RALGPS1: variants seen among roughly 807,000 people sequenced by gnomAD.
The protein encoded by RALGPS1 is ras-specific guanine nucleotide-releasing factor RalGPS1.
In RALGPS1, 19 loss-of-function variants were observed where a neutral mutation model predicts 78.8. The observed-to-expected ratio is 0.24, with a 90% CI of 0.17 to 0.35. RALGPS1 has a LOEUF of 0.35. RALGPS1 is among the 10% of genes least tolerant of loss of function. The probability of loss-of-function intolerance (pLI) is 1.00; values close to 1 mark genes in which losing one functional copy is unlikely to be tolerated. For synonymous variants in RALGPS1, 228 were observed against 256.3 expected, an observed-to-expected ratio of 0.89 and a Z score of 1.06; for missense variants, 454 against 688.3, an observed-to-expected ratio of 0.66 and a Z score of 3.81.
chr9:127,145,814 T>G (rs555283427), intron 8 of RALGPS1, among the ~76,000 whole-genome samples: 9 of 152,346 alleles, frequency 5.9e-5, no homozygotes, highest in Admixed American at 2.0e-4. Flanking sequence ...GAGACAAGCT[T>G]CCCAACCTCT....
intron 3 of RALGPS1, among the ~76,000 whole-genome samples, chr9:126,971,145 G>T (rs1325247749): frequency 6.6e-6 from 1 of 152,082 alleles, no homozygotes; most frequent in Non-Finnish European, 1.5e-5. Flanking sequence ...TTGGGAAAAA[G>T]TGACAAATAT....
chr9:127,175,743 T>C (rs1157505440), intron 11 of RALGPS1, among the ~76,000 whole-genome samples: 2 of 150,198 alleles, frequency 1.3e-5, no homozygotes, highest in African/African-American at 2.5e-5. Flanking sequence ...CCCAGGAACG[T>C]TGGAATGTCA....
At chr9:127,137,637 C>T (rs563671564) in intron 8 of RALGPS1, among the ~76,000 whole-genome samples, 68 of 152,360 alleles carry the variant, frequency 4.5e-4, no homozygotes, top group Non-Finnish European at 7.1e-4. Flanking sequence ...GAGTTTCTAT[C>T]ACTGGAAACC....
rs1221194399 is a variant in RALGPS1 at position 127,183,697 on chromosome 9, G to A, written c.910+8915G>A. On this transcript the variant is annotated intron_variant, in intron 11 of 18. Coordinates refer to ENST00000259351, the MANE Select transcript of RALGPS1 (RefSeq NM_014636.3). This position sits in a 1 kb window ranked among gnomAD's most constrained non-coding sequence, Gnocchi z 4.0. ...GAGTAGAAAAAGAGAACAGCCAGGG[G>A]CAAGCTGTAGGCCCTCTCTCCATGT... is the stretch of plus-strand genomic sequence containing the variant. 1.3e-5 allele frequency among the ~76,000 whole-genome samples: 2 copies of A among 152,108 alleles called. No individual in the cohort carries two copies. The highest frequency in any genetic ancestry group is 2.4e-5 in the African/African-American group (1 of 41,506).
chr9:127,150,086 A>G (rs1374450472), intron 8 of RALGPS1, among the ~76,000 whole-genome samples: 4 of 152,224 alleles, frequency 2.6e-5, no homozygotes, highest in African/African-American at 9.6e-5. Flanking sequence ...ATCTTGAACA[A>G]GCAACTTAGC....
intron 8 of RALGPS1, among the ~76,000 whole-genome samples, chr9:127,070,319 C>G (rs2050083716): frequency 6.6e-6 from 1 of 152,130 alleles, no homozygotes; most frequent in Admixed American, 6.5e-5. Flanking sequence ...AGTTGGGAAC[C>G]CCTGATTTAA....
At chr9:127,100,084 T>A (rs1319589590) in intron 8 of RALGPS1, among the ~76,000 whole-genome samples, 2 of 152,258 alleles carry the variant, frequency 1.3e-5, no homozygotes, top group Non-Finnish European at 2.9e-5. Flanking sequence ...ATGAAAATGT[T>A]ACTACTTTTG....
chr9:127,063,539 A>G (rs1280706465), intron 7 of RALGPS1, among the ~76,000 whole-genome samples: 1 of 152,182 alleles, frequency 6.6e-6, no homozygotes, highest in Non-Finnish European at 1.5e-5. Flanking sequence ...TATAAAAATT[A>G]GCTCTTAGAT....
At chr9:127,192,674 A>G (rs2061137519) in intron 11 of RALGPS1, among the ~76,000 whole-genome samples, 1 of 152,148 alleles carries the variant, frequency 6.6e-6, no homozygotes, top group South Asian at 2.1e-4. Context: ...AAAGAAAAGA[A>G]AAGAGGACTG....
At chr9:127,107,296 C>G (rs1332188305) in intron 8 of RALGPS1, among the ~76,000 whole-genome samples, 1 of 152,180 alleles carries the variant, frequency 6.6e-6, no homozygotes, top group East Asian at 1.9e-4. Context: ...GCCAGCAATC[C>G]CATTCCTCCC....
At chr9:126,940,687 G>C (rs1025594563) in intron 1 of RALGPS1, among the ~76,000 whole-genome samples, 3 of 151,892 alleles carry the variant, frequency 2.0e-5, no homozygotes, top group Non-Finnish European at 4.4e-5. Flanking sequence ...GTGATCCGTC[G>C]AACAGGTATA....
chr9:127,060,968 A>G (rs924657938), intron 7 of RALGPS1, among the ~76,000 whole-genome samples: 2 of 152,170 alleles, frequency 1.3e-5, no homozygotes, highest in African/African-American at 4.8e-5. Context: ...TGGATTTCCA[A>G]CCCTGTATTT....
rs372261269 is a variant in RALGPS1 at position 127,168,784 on chromosome 9, C to T, written c.842+12C>T. 3.1e-5 allele frequency: 49 copies of T among 1,590,338 alleles called. No individual in the cohort carries two copies. In the East Asian group the frequency reaches 3.4e-4, roughly 11 times the overall value. ...GACGACAACTACAAGTAAGTCCCCA[C>T]GTATTCCTGTGTCAGGCCTCCCAGC... On this transcript the variant is annotated intron_variant, in intron 10 of 18. Transcript: ENST00000259351.
At chr9:126,998,148 A>G (rs540538397) in intron 4 of RALGPS1, among the ~76,000 whole-genome samples, 8 of 152,344 alleles carry the variant, frequency 5.3e-5, no homozygotes, top group Middle Eastern at 3.4e-3. Flanking sequence ...AGCAATGGCA[A>G]CAAAAGCCAG....
At chr9:126,989,718 A>C (rs974541166) in intron 4 of RALGPS1, among the ~76,000 whole-genome samples, 1 of 152,208 alleles carries the variant, frequency 6.6e-6, no homozygotes, top group Non-Finnish European at 1.5e-5. Flanking sequence ...AGGAGGTGGG[A>C]GCAGCATTAA....
intron 1 of RALGPS1, among the ~76,000 whole-genome samples, chr9:126,935,232 A>C (rs1268211774): frequency 2.0e-5 from 3 of 152,140 alleles, no homozygotes; most frequent in Admixed American, 2.0e-4. Flanking sequence ...CTAGACTTTA[A>C]GCTCTTTTAA....
At chr9:126,932,351 A>G (rs1256593477) in intron 1 of RALGPS1, among the ~76,000 whole-genome samples, 2 of 152,240 alleles carry the variant, frequency 1.3e-5, no homozygotes, top group Non-Finnish European at 2.9e-5. Context: ...CTGAACATAT[A>G]CATACCTTAT....
At chr9:127,210,540 T>A (rs1409240139) in intron 14 of RALGPS1, 1 of 618,318 alleles carries the variant, frequency 1.6e-6, no homozygotes, top group Non-Finnish European at 2.9e-6. Flanking sequence ...GCTTGTAGTG[T>A]GGCCGAGGAG....
At chr9:127,177,796 T>C in intron 11 of RALGPS1, 1 of 1,537,558 alleles carries the variant, frequency 6.5e-7, no homozygotes, top group East Asian at 2.5e-5. Flanking sequence ...GTCCTGGAAG[T>C]CAGCTGGGCA....
Sources: gnomAD v4.1 joint callset for allele counts (sites outside exome capture counted in the v4.1 genomes callset) on GRCh38, gnomAD v4.1.1 for gene constraint, Gnocchi (gnomAD v3.1) non-coding constraint, MANE v1.5 for transcripts, NCBI Gene and HGNC (gene_info 2026-07-23, HGNC 2026-07-21) for gene names.